LINGO2: variants seen among roughly 807,000 people sequenced by gnomAD.
LINGO2 encodes the protein leucine-rich repeat and immunoglobulin-like domain-containing nogo receptor-interacting protein 2.
A neutral mutation model predicts 30.6 loss-of-function variants in LINGO2; 14 were observed. That is an observed-to-expected ratio of 0.46 (90% CI 0.30 to 0.72). The LOEUF is 0.72. LINGO2 is among the 30% of genes least tolerant of loss of function. The pLI, the probability that LINGO2 is intolerant of heterozygous loss-of-function variation, is 0.07. For missense variants in LINGO2, 729 were observed against 751.7 expected, an observed-to-expected ratio of 0.97 and a Z score of 0.35; for synonymous variants, 317 against 288.5, an observed-to-expected ratio of 1.10 and a Z score of -1.00.
chr9:28,537,684 T>C (rs1235729154), intron 1 of LINGO2, among the ~76,000 whole-genome samples: 1 of 151,914 alleles, frequency 6.6e-6, no homozygotes, highest in East Asian at 1.9e-4. Context: ...GACGTAAAGA[T>C]AATAGAAGTG....
chr9:28,036,168 T>C (rs547205958), intron 4 of LINGO2, among the ~76,000 whole-genome samples: 4 of 152,318 alleles, frequency 2.6e-5, no homozygotes, highest in African/African-American at 9.6e-5. Flanking sequence ...TTAAGGACTG[T>C]TTTGTGCTCA....
the LINGO2 span, among the ~76,000 whole-genome samples, chr9:28,839,403 G>A: frequency 6.6e-6 from 1 of 152,076 alleles, no homozygotes; most frequent in African/African-American, 2.4e-5. Flanking sequence ...ATCCTAATGA[G>A]TTCAGCTCTC....
chr9:28,889,116 A>G, the LINGO2 span, among the ~76,000 whole-genome samples: 1 of 152,258 alleles, frequency 6.6e-6, no homozygotes, highest in South Asian at 2.1e-4. Context: ...GACACTGGTC[A>G]CCTTCATTTA....
At chr9:29,068,183 C>T in the LINGO2 span, among the ~76,000 whole-genome samples, 10 of 151,402 alleles carry the variant, frequency 6.6e-5, no homozygotes, top group Non-Finnish European at 8.9e-5. Context: ...TCAGAACTTG[C>T]AAATAAAACA....
the LINGO2 span, among the ~76,000 whole-genome samples, chr9:29,032,292 G>A: frequency 6.6e-6 from 1 of 152,054 alleles, no homozygotes; most frequent in Non-Finnish European, 1.5e-5. Flanking sequence ...GCAGAACAAT[G>A]GCTTTATGTC....
intron 4 of LINGO2, among the ~76,000 whole-genome samples, chr9:28,233,062 T>TATATA (rs1564063017): frequency 8.8e-5 from 4 of 45,426 alleles, no homozygotes; most frequent in Non-Finnish European, 1.6e-4. Context: ...ATATATATAT[T>TATATA]AGATATATAA....
At chr9:28,785,823 A>G in the LINGO2 span, among the ~76,000 whole-genome samples, 1 of 152,252 alleles carries the variant, frequency 6.6e-6, no homozygotes, top group Admixed American at 6.5e-5. Flanking sequence ...GGGTATGCTA[A>G]CAAAGGAACA....
At chr9:29,136,246 G>T in the LINGO2 span, among the ~76,000 whole-genome samples, 1 of 152,060 alleles carries the variant, frequency 6.6e-6, no homozygotes, top group Admixed American at 6.6e-5. Context: ...ACTTCTTTCT[G>T]ATGGGATTTT....
chr9:28,478,786 T>C (rs1337722741), intron 1 of LINGO2, among the ~76,000 whole-genome samples: 1 of 152,070 alleles, frequency 6.6e-6, no homozygotes, highest in Non-Finnish European at 1.5e-5. Context: ...TGAATAAAGA[T>C]TGTCCTTGCC....
chr9:28,062,515 A>G (rs1336036829), intron 4 of LINGO2, among the ~76,000 whole-genome samples: 1 of 146,012 alleles, frequency 6.8e-6, no homozygotes, highest in Middle Eastern at 3.3e-3. Flanking sequence ...TATATATACT[A>G]TATTGTATAT....
intron 2 of LINGO2, among the ~76,000 whole-genome samples, chr9:28,433,914 G>GCTCGCTCTCTCTCTCT (rs1554720583): frequency 1.2e-5 from 1 of 83,860 alleles, no homozygotes; most frequent in Non-Finnish European, 2.7e-5. Flanking sequence ...AAGAAAATGT[G>GCTCGCTCTCTCTCTCT]CTCTCTCTTT....
the LINGO2 span, among the ~76,000 whole-genome samples, chr9:28,963,534 G>T: frequency 1.1e-5 from 1 of 91,448 alleles, no homozygotes; most frequent in Non-Finnish European, 2.1e-5. Flanking sequence ...AGCAAATGTG[G>T]TATATGAATA....
chr9:28,784,680 G>A, the LINGO2 span, among the ~76,000 whole-genome samples: 40 of 152,122 alleles, frequency 2.6e-4, no homozygotes, highest in Non-Finnish European at 5.3e-4. Context: ...CAGGTCGGGC[G>A]CGGTGGCTCA....
At chr9:28,266,243 T>C (rs930129214) in intron 4 of LINGO2, among the ~76,000 whole-genome samples, 1 of 151,986 alleles carries the variant, frequency 6.6e-6, no homozygotes, top group African/African-American at 2.4e-5. Context: ...TACTTTGGGA[T>C]ATTGTAAGGA....
chr9:28,556,192 G>A (rs555124158), intron 1 of LINGO2, among the ~76,000 whole-genome samples: 1 of 152,012 alleles, frequency 6.6e-6, no homozygotes, highest in African/African-American at 2.4e-5. Context: ...ATTAGGAAAA[G>A]AGGAAGTCAA....
the LINGO2 span, among the ~76,000 whole-genome samples, chr9:28,946,883 G>A: frequency 6.6e-6 from 1 of 152,052 alleles, no homozygotes; most frequent in Non-Finnish European, 1.5e-5. Context: ...CACAGAGACA[G>A]AGTACATATG....
intron 4 of LINGO2, among the ~76,000 whole-genome samples, chr9:28,020,832 G>A (rs981042637): frequency 2.0e-5 from 3 of 152,100 alleles, no homozygotes; most frequent in Admixed American, 1.3e-4. Flanking sequence ...ATAGTTGCTT[G>A]TAGCATTTCT....
At chr9:28,007,494 T>C (rs1174980959) in intron 5 of LINGO2, among the ~76,000 whole-genome samples, 1 of 152,190 alleles carries the variant, frequency 6.6e-6, no homozygotes, top group Non-Finnish European at 1.5e-5. Flanking sequence ...TAATTATATT[T>C]TATCCACTAA....
chr9:28,451,361 C>A (rs1188285111), intron 2 of LINGO2, among the ~76,000 whole-genome samples: 1 of 151,808 alleles, frequency 6.6e-6, no homozygotes, highest in African/African-American at 2.4e-5. Flanking sequence ...AGGCTATAGT[C>A]TAACACCAGG....
Sources: allele counts gnomAD v4.1 joint callset (sites outside exome capture counted in the v4.1 genomes callset), GRCh38; gene constraint gnomAD v4.1.1; transcripts MANE v1.5; gene names NCBI Gene and HGNC (gene_info 2026-07-23, HGNC 2026-07-21).